TYR: variants seen among roughly 807,000 people sequenced by gnomAD.
TYR encodes LB24-AB.
In TYR, 58 loss-of-function variants were observed where a neutral mutation model predicts 51.5. The observed-to-expected ratio is 1.13, with a 90% confidence interval of 0.91 to 1.40. The LOEUF (loss-of-function observed/expected upper bound fraction) is 1.40, where lower values mean the gene tolerates loss of function less well. Among genes scored for constraint, TYR ranks in the 40% most tolerant of loss-of-function variants. The pLI is 0.00. For missense variants in TYR, 732 were observed against 647.4 expected, an observed-to-expected ratio of 1.13 and a Z score of -1.42; for synonymous variants, 263 against 235.2, an observed-to-expected ratio of 1.12 and a Z score of -1.08.
At chr11:89,273,821 G>T (rs756723906) in intron 3 of TYR, among the ~76,000 whole-genome samples, 1 of 151,674 alleles carries the variant, frequency 6.6e-6, no homozygotes, top group East Asian at 1.9e-4. Context: ...TTCTTTTAAG[G>T]CTTCTTCCCT....
intron 1 of TYR, among the ~76,000 whole-genome samples, chr11:89,185,550 G>A (rs1171439083): frequency 2.6e-5 from 4 of 152,122 alleles, no homozygotes; most frequent in African/African-American, 4.8e-5. Flanking sequence ...TGAAGGATGC[G>A]TTTTTATAAG....
intron 3 of TYR, among the ~76,000 whole-genome samples, chr11:89,252,903 T>C (rs1944347165): frequency 6.6e-6 from 1 of 151,800 alleles, no homozygotes. Flanking sequence ...TACAGTCATT[T>C]GTTTTTAAAA....
At chr11:89,227,687 A>T (rs1394747490) in intron 2 of TYR, 136 bp from the exon 3 acceptor site, 1 of 784,916 alleles carries the variant, frequency 1.3e-6, no homozygotes, top group Non-Finnish European at 2.0e-6. Context: ...AAGAGTCTCA[A>T]TACGGAATGA....
At chr11:89,255,834 T>A (rs4753215) in intron 3 of TYR, among the ~76,000 whole-genome samples, 2,436 of 151,858 alleles carry the variant, frequency 0.016, 33 homozygotes, top group Non-Finnish European at 0.025. Context: ...TTCATTTTAT[T>A]TGTCTTTTTT....
At chr11:89,238,594 A>G (rs1027357870) in intron 3 of TYR, among the ~76,000 whole-genome samples, 4 of 152,060 alleles carry the variant, frequency 2.6e-5, no homozygotes, top group Non-Finnish European at 5.9e-5. Context: ...TTTCTTAGCT[A>G]ATTGCTCTAG....
chr11:89,232,418 C>T (rs977452770), intron 3 of TYR, among the ~76,000 whole-genome samples: 1 of 143,106 alleles, frequency 7.0e-6, no homozygotes. Flanking sequence ...TAGCTGTAGG[C>T]CATAATCTGA....
intron 1 of TYR, among the ~76,000 whole-genome samples, chr11:89,185,603 T>C (rs2135248080): frequency 6.6e-6 from 1 of 152,258 alleles, no homozygotes; most frequent in South Asian, 2.1e-4. Context: ...AATGAGTAAG[T>C]GTAAGTTGGG....
intron 3 of TYR, among the ~76,000 whole-genome samples, chr11:89,232,637 T>C (rs1291520683): frequency 7.1e-6 from 1 of 141,786 alleles, no homozygotes; most frequent in Non-Finnish European, 1.5e-5. Context: ...GGTTCAATCA[T>C]ACCCAAACTT....
At chr11:89,235,323 T>C (rs1025405657) in intron 3 of TYR, among the ~76,000 whole-genome samples, 7 of 152,176 alleles carry the variant, frequency 4.6e-5, no homozygotes, top group South Asian at 2.1e-4. Context: ...CACTTCTGAC[T>C]ATATATCAAA....
chr11:89,223,662 T>G (rs1943940737), intron 2 of TYR, among the ~76,000 whole-genome samples: 1 of 152,134 alleles, frequency 6.6e-6, no homozygotes, highest in African/African-American at 2.4e-5. Context: ...GGTGTTCAAG[T>G]CTCTGATTTT....
At chr11:89,256,337 A>G (rs1329038363) in intron 3 of TYR, among the ~76,000 whole-genome samples, 1 of 151,782 alleles carries the variant, frequency 6.6e-6, no homozygotes, top group Non-Finnish European at 1.5e-5. Flanking sequence ...TATATACTCT[A>G]TAATTACTAG....
chr11:89,229,610 G>C (rs560366049), intron 3 of TYR, among the ~76,000 whole-genome samples: 4 of 151,836 alleles, frequency 2.6e-5, no homozygotes, highest in Non-Finnish European at 5.9e-5. Flanking sequence ...AGAGGATATT[G>C]TTTCTGTTTA....
chr11:89,225,885 C>G, intron 2 of TYR, among the ~76,000 whole-genome samples: 1 of 151,812 alleles, frequency 6.6e-6, no homozygotes, highest in East Asian at 1.9e-4. Context: ...GATAAATGAT[C>G]GAGGTGATTG....
At chr11:89,286,885 G>A (rs919579333) in intron 4 of TYR, among the ~76,000 whole-genome samples, 7 of 151,694 alleles carry the variant, frequency 4.6e-5, no homozygotes, top group African/African-American at 1.7e-4. Context: ...GGAGCTTATT[G>A]GTAACTATTT....
intron 1 of TYR, among the ~76,000 whole-genome samples, chr11:89,179,420 TC>T (rs1943271823): frequency 1.3e-5 from 2 of 152,218 alleles, no homozygotes; most frequent in African/African-American, 4.8e-5. Context: ...TCATTGAACA[TC>T]TAGCATGTGC....
chr11:89,208,264 C>T (rs1283891722), intron 2 of TYR, among the ~76,000 whole-genome samples: 2 of 151,992 alleles, frequency 1.3e-5, no homozygotes, highest in South Asian at 2.1e-4. Flanking sequence ...AGCAAGACTC[C>T]GTCTCAAGAA....
At chr11:89,271,427 G>C (rs560072219) in intron 3 of TYR, among the ~76,000 whole-genome samples, 4 of 152,000 alleles carry the variant, frequency 2.6e-5, no homozygotes, top group African/African-American at 9.6e-5. Flanking sequence ...TTATGGTGCA[G>C]TAACATTATG....
intron 3 of TYR, among the ~76,000 whole-genome samples, chr11:89,251,935 A>G (rs1944335772): frequency 6.6e-6 from 1 of 151,880 alleles, no homozygotes; most frequent in South Asian, 2.1e-4. Flanking sequence ...TGAGGGAAGC[A>G]GGCCTTGAGA....
In TYR at chr11:89,283,576, G is replaced by A. The variant is rs1472869667; in HGVS notation, c.1185-1197G>A. On this transcript the variant is annotated intron_variant, in intron 3 of 4. Transcript: ENST00000263321. ...GATATTATTACTCTTATTTAAGGAT[G>A]AGGAGGCTAATTCTCCAAGTTCAGT... Among the ~76,000 whole-genome samples, 4 of 151,886 alleles carry A rather than the reference G, an allele frequency of 2.6e-5. No homozygotes were observed. The South Asian group carries it at 8.3e-4, about 31-fold the overall frequency.
Sources: allele counts gnomAD v4.1 joint callset (sites outside exome capture counted in the v4.1 genomes callset), GRCh38; gene constraint gnomAD v4.1.1; transcripts MANE v1.5; gene names NCBI Gene and HGNC (gene_info 2026-07-23, HGNC 2026-07-21).